Variants in LYPD1 observed in about 807,000 individuals in gnomAD.
The protein encoded by LYPD1 is ly6/PLAUR domain-containing protein 1.
In LYPD1, 14 loss-of-function variants were observed where a neutral mutation model predicts 14.2. The observed-to-expected ratio is 0.99, with a 90% confidence interval of 0.65 to 1.54. The LOEUF is 1.54. LYPD1 is among the 40% of genes most tolerant of loss of function. LYPD1 has a pLI of 0.00. For missense variants in LYPD1, 165 were observed against 175.7 expected, an observed-to-expected ratio of 0.94 and a Z score of 0.34; for synonymous variants, 85 against 70.6, an observed-to-expected ratio of 1.20 and a Z score of -1.02.
intron 2 of LYPD1, among the ~76,000 whole-genome samples, chr2:132,655,820 C>G (rs1472383156): frequency 6.6e-6 from 1 of 152,100 alleles, no homozygotes; most frequent in Non-Finnish European, 1.5e-5. Context: ...GGCCAAGAAG[C>G]ATTTTCTAAA....
chr2:132,646,251 A>C lies in LYPD1; in HGVS notation c.220T>G (p.Ser74Ala). The change falls in exon 3 of 3, where the codon TCA becomes GCA. Residue 74 changes from serine to alanine, a missense_variant. Physicochemically the swap from Ser to Ala is moderately conservative, Grantham distance 99 (BLOSUM62 1). Coordinates refer to ENST00000397463, the MANE Select transcript of LYPD1 (RefSeq NM_144586.7). ...GCAGAGGCGATGAGACAGGCCGCTG[A>C]TGATGCACAGGACTTGCGGTACATG... Reference protein sequence around the residue: ...GIMYRKSCASSAACLIASAGY... With the variant: ...GIMYRKSCASAAACLIASAGY... The C allele has an allele frequency of 1.3e-6, 2 of 1,574,044 alleles. No homozygotes were observed. Among genetic ancestry groups the C allele is most frequent in the East Asian group, 2.3e-5 (1 of 43,848 alleles).
chr2:132,646,830 G>A (rs866627113), intron 2 of LYPD1, among the ~76,000 whole-genome samples: 1 of 152,208 alleles, frequency 6.6e-6, no homozygotes, highest in Non-Finnish European at 1.5e-5. Context: ...TAGTGAAGGG[G>A]CACCTGGCTG....
chr2:132,663,821 C>A (rs1267809871), intron 2 of LYPD1, among the ~76,000 whole-genome samples: 1 of 151,930 alleles, frequency 6.6e-6, no homozygotes, highest in Non-Finnish European at 1.5e-5. Flanking sequence ...AGCAGAGACC[C>A]CTGCTACTTC....
At chr2:132,660,349 C>T (rs1682861840) in intron 2 of LYPD1, among the ~76,000 whole-genome samples, 1 of 152,210 alleles carries the variant, frequency 6.6e-6, no homozygotes, top group African/African-American at 2.4e-5. Flanking sequence ...TTATTACGAA[C>T]TCTCTATGGT....
Position 132,646,140 on chromosome 2 carries a change from G to A in LYPD1, c.331C>T (p.Pro111Ser). The A allele has an allele frequency of 6.2e-7, 1 of 1,612,010 alleles. No individual in the cohort carries two copies. The highest frequency in any genetic ancestry group is 8.5e-7 in the Non-Finnish European group (1 of 1,178,858). ...GAGGCAGAACTTCCCCTTTTCTTGG[G>A]CCTTGGCCCGTTACAAAGAGGGGTG... ...CNTPLCNGPRPKKRGSSASAL... is the reference protein window; with the variant it reads ...CNTPLCNGPRSKKRGSSASAL... Residue 111 changes from proline (P) to serine (S), a missense_variant, in exon 3 of 3, where the codon CCC (proline) becomes TCC (serine). Physicochemically the swap from Pro to Ser is moderately conservative, Grantham distance 74. Coordinates refer to ENST00000397463, the MANE Select transcript of LYPD1 (RefSeq NM_144586.7).
intron 2 of LYPD1, among the ~76,000 whole-genome samples, chr2:132,649,042 T>A (rs943582042): frequency 6.6e-6 from 1 of 152,166 alleles, no homozygotes. Flanking sequence ...TCCAACCGGA[T>A]GAAAGGAAAT....
chr2:132,650,300 G>C (rs750659445), intron 2 of LYPD1, among the ~76,000 whole-genome samples: 2 of 152,102 alleles, frequency 1.3e-5, no homozygotes, highest in African/African-American at 2.4e-5. Flanking sequence ...AGATTTAAAT[G>C]TTTATTATAA....
chr2:132,649,772 G>C (rs112064928), intron 2 of LYPD1, among the ~76,000 whole-genome samples: 3 of 152,262 alleles, frequency 2.0e-5, no homozygotes, highest in African/African-American at 7.2e-5. Context: ...CTCCTGAACA[G>C]TTCCACCATT....
At position 132,664,401 on chromosome 2, in the gene LYPD1, T is replaced by TGA. The variant is rs1378412477; in HGVS notation, c.190+3997_190+3998dup. Among the ~76,000 whole-genome samples the TGA allele has an allele frequency of 6.6e-5, 10 of 152,290 alleles. No homozygotes were observed. In the East Asian group the frequency reaches 1.7e-3, roughly 26 times the overall value. On this transcript the variant is annotated intron_variant, in intron 2 of 2. Transcript: ENST00000397463. ...GTGTAAAACTAAACTATCCAAGATATGAAGCCATCCCTGCCCAACTTAATG... is the reference window on the plus strand; with the variant it reads ...GTGTAAAACTAAACTATCCAAGATATGAGAAGCCATCCCTGCCCAACTTAATG...
At chr2:132,655,219 C>G (rs925377150) in intron 2 of LYPD1, among the ~76,000 whole-genome samples, 8 of 152,158 alleles carry the variant, frequency 5.3e-5, no homozygotes, top group African/African-American at 1.7e-4. Flanking sequence ...CATATCTGGT[C>G]TTGTCTATGA....
At position 132,646,022 on chromosome 2, in the gene LYPD1, A is replaced by G; in HGVS notation, c.*23T>C. The G allele has an allele frequency of 6.7e-7, 1 of 1,499,232 alleles. No individual in the cohort carries two copies. Among genetic ancestry groups the G allele is most frequent in the Non-Finnish European group, 9.0e-7 (1 of 1,112,888 alleles). 92.9% of individuals were successfully genotyped at this position (1,499,232 alleles called of 1,614,324 possible). A position where few individuals can be genotyped will look rare whatever the true frequency, so the allele number is the denominator to read the frequency against. On this transcript the variant is annotated 3_prime_UTR_variant, in exon 3 of 3. Transcript: ENST00000397463. ...GCGAGGGCTGGAAGAACAATGCAGG[A>G]GGGGGTGGCATCTCCTTCAGCTTCA...
intron 2 of LYPD1, among the ~76,000 whole-genome samples, chr2:132,657,428 C>T (rs1016229307): frequency 5.3e-5 from 8 of 152,162 alleles, no homozygotes; most frequent in Admixed American, 3.3e-4. Context: ...ACCTTGATGT[C>T]CTTCTGATTA....
intron 2 of LYPD1, chr2:132,646,572 G>C (rs1245244128): frequency 3.4e-6 from 1 of 298,448 alleles, no homozygotes. Flanking sequence ...TACATTTTAA[G>C]TCAGAGTTCA....
intron 2 of LYPD1, among the ~76,000 whole-genome samples, chr2:132,647,762 C>T (rs775436844): frequency 3.3e-5 from 5 of 152,148 alleles, no homozygotes; most frequent in Non-Finnish European, 7.3e-5. Context: ...TATAGCATCC[C>T]ACCAGCAGCC....
At chr2:132,668,602 C>T in intron 1 of LYPD1, 65 bp from the exon 2 acceptor site, 10 of 1,584,856 alleles carry the variant, frequency 6.3e-6, no homozygotes, top group South Asian at 1.1e-5. Flanking sequence ...AAATCACGAC[C>T]ATCCCACGCC....
In LYPD1 at chr2:132,645,213, G is replaced by C; in HGVS notation, c.*832C>G. On this transcript the variant is annotated 3_prime_UTR_variant, in exon 3 of 3. Transcript: ENST00000397463. ...CGAGGTCCTACTTCCGGGCGTACATGATCCTCCTCCCCTTCTCGGAGACGT... is the reference window on the plus strand; with the variant it reads ...CGAGGTCCTACTTCCGGGCGTACATCATCCTCCTCCCCTTCTCGGAGACGT... 3 of 1,614,164 alleles carry C rather than the reference G, an allele frequency of 1.9e-6. No homozygotes were observed. Among genetic ancestry groups the C allele is most frequent in the Non-Finnish European group, 2.5e-6 (3 of 1,180,028 alleles).
rs758639736 is a variant in LYPD1, at chr2:132,645,339, G to A, written c.*706C>T. Reference sequence around the variant, plus strand: ...AGGTGCTGTGCTGCCGCCTGTCGCTGCAGCACGCCAACCACGAGAAGCGCC... The same window carrying A: ...AGGTGCTGTGCTGCCGCCTGTCGCTACAGCACGCCAACCACGAGAAGCGCC... On this transcript the variant is annotated 3_prime_UTR_variant, in exon 3 of 3. Coordinates refer to ENST00000397463, the MANE Select transcript of LYPD1 (RefSeq NM_144586.7). 6 of 1,614,030 alleles carry A rather than the reference G, an allele frequency of 3.7e-6. No homozygotes were observed. In the African/African-American group the frequency reaches 4.0e-5, roughly 11 times the overall value.
chr2:132,652,856 AG>A (rs1361730815), intron 2 of LYPD1, among the ~76,000 whole-genome samples: 2 of 152,176 alleles, frequency 1.3e-5, no homozygotes, highest in Admixed American at 6.5e-5. Flanking sequence ...GTTCTCCCTG[AG>A]GAAGTCATTT....
chr2:132,656,167 A>C (rs713533), intron 2 of LYPD1, among the ~76,000 whole-genome samples: 2,042 of 152,326 alleles, frequency 0.013, 50 homozygotes, highest in African/African-American at 0.047. Flanking sequence ...TATCTTTTCC[A>C]ATAGTTTCCT....
Sources: gnomAD v4.1 joint callset for allele counts (sites outside exome capture counted in the v4.1 genomes callset) on GRCh38, gnomAD v4.1.1 for gene constraint, MANE v1.5 for transcripts, NCBI Gene and HGNC (gene_info 2026-07-23, HGNC 2026-07-21) for gene names.